The following KIR3DL1 variants were observed in gnomAD, a reference collection of about 807,000 sequenced individuals.
KIR3DL1 encodes the protein killer cell immunoglobulin like receptor, three Ig domains and long cytoplasmic tail 1.
KIR3DL1 carries 50 observed loss-of-function variants against 40.3 expected under a neutral mutation model. That is an observed-to-expected ratio of 1.24 (90% CI 0.99 to 1.57). The LOEUF (loss-of-function observed/expected upper bound fraction) is 1.57. Among genes scored for constraint, KIR3DL1 ranks in the 40% most tolerant of loss-of-function variants. The pLI, the probability that KIR3DL1 is intolerant of heterozygous loss-of-function variation, is 0.00. For synonymous variants in KIR3DL1, 257 were observed against 207.2 expected (o/e 1.24, Z -2.07); for missense variants, 661 against 559.9 (o/e 1.18, Z -1.82).
At chr19:54,820,382 ACCC>A (rs1181705790) in intron 4 of KIR3DL1, among the ~76,000 whole-genome samples, 1 of 151,484 alleles carries the variant, frequency 6.6e-6, no homozygotes, top group African/African-American at 2.4e-5. Flanking sequence ...TACCAGAAGA[ACCC>A]AAGGACACCC....
intron 1 of KIR3DL1, 125 bp from the exon 2 acceptor site, chr19:54,817,409 C>T: frequency 1.2e-6 from 1 of 808,258 alleles, no homozygotes; most frequent in South Asian, 1.4e-5. Flanking sequence ...GGCAGGTAGG[C>T]AGCGAGGGTG....
intron 1 of KIR3DL1, 55 bp from the exon 2 acceptor site, chr19:54,817,479 C>A: frequency 7.3e-7 from 1 of 1,374,720 alleles, no homozygotes; most frequent in Non-Finnish European, 1.0e-6. Flanking sequence ...GTGGGGGCAG[C>A]AGGGTGCCCT....
chr19:54,821,054 A>C (rs1182651682), intron 4 of KIR3DL1, among the ~76,000 whole-genome samples: 2 of 150,458 alleles, frequency 1.3e-5, no homozygotes, highest in Non-Finnish European at 3.0e-5. Context: ...ATGATACATA[A>C]ATAGAGACAG....
At chr19:54,829,340 T>C in intron 6 of KIR3DL1, 21 bp from the exon 7 acceptor site, 1 of 1,437,290 alleles carries the variant, frequency 7.0e-7, no homozygotes, top group Non-Finnish European at 9.6e-7. Context: ...AGCTTCTTAC[T>C]GGTGTCTCCT....
intron 6 of KIR3DL1, 47 bp downstream of exon 6, chr19:54,825,125 G>A (rs1309353111): frequency 4.7e-6 from 6 of 1,274,070 alleles, no homozygotes; most frequent in Admixed American, 1.7e-5. Flanking sequence ...ACCTGGGGAG[G>A]TGGAAGCCTT....
intron 5 of KIR3DL1, 145 bp downstream of exon 5, chr19:54,822,003 G>C (rs2148120601): frequency 9.9e-7 from 1 of 1,011,292 alleles, no homozygotes; most frequent in Non-Finnish European, 1.5e-6. Flanking sequence ...CAGGATGGCA[G>C]ACAGGGCACC....
chr19:54,819,639 C>A (rs1415067660), intron 3 of KIR3DL1, 74 bp from the exon 4 acceptor site: 9 of 1,512,562 alleles, frequency 6.0e-6, no homozygotes, highest in Non-Finnish European at 8.1e-6. Context: ...GGAGGGGAAC[C>A]CTCACTCATT....
At chr19:54,816,819 T>A (rs2061363479) in intron 1 of KIR3DL1, among the ~76,000 whole-genome samples, 1 of 82,454 alleles carries the variant, frequency 1.2e-5, no homozygotes, top group Non-Finnish European at 2.2e-5. Context: ...GATATGGGCC[T>A]GGAGGGGAGA....
chr19:54,816,816 G>GGA, intron 1 of KIR3DL1, among the ~76,000 whole-genome samples: 1 of 113,604 alleles, frequency 8.8e-6, no homozygotes, highest in African/African-American at 4.1e-5. Context: ...GGAGATATGG[G>GGA]CCTGGAGGGG....
chr19:54,822,233 C>T (rs1169671582), intron 5 of KIR3DL1, among the ~76,000 whole-genome samples: 1 of 151,292 alleles, frequency 6.6e-6, no homozygotes, highest in African/African-American at 2.4e-5. Flanking sequence ...AACCCCTACA[C>T]CCTTTTCTTT....
chr19:54,822,734 T>C (rs1488058337), intron 5 of KIR3DL1, among the ~76,000 whole-genome samples: 2 of 140,618 alleles, frequency 1.4e-5, no homozygotes, highest in African/African-American at 2.6e-5. Flanking sequence ...GATCCACCTT[T>C]TATCTCCTGC....
exon 5 of KIR3DL1, chr19:54,821,780 T>G: frequency 6.2e-7 from 1 of 1,607,402 alleles, no homozygotes; most frequent in Non-Finnish European, 8.5e-7. Context: ...CGGAGGGACC[T>G]ACAGATGCTT....
chr19:54,824,263 G>A (rs1743332), intron 5 of KIR3DL1, among the ~76,000 whole-genome samples: 1 of 150,552 alleles, frequency 6.6e-6, no homozygotes, highest in Non-Finnish European at 1.5e-5. Context: ...TGATTTTTGT[G>A]TATGGTGACA....
exon 5 of KIR3DL1, chr19:54,821,718 G>C (rs193921077): frequency 2.0e-5 from 32 of 1,608,262 alleles, no homozygotes; most frequent in African/African-American, 1.3e-4. Flanking sequence ...CCTGCAGTGC[G>C]CAAGGTCAAC....
At chr19:54,820,605 T>C (rs1483302471) in intron 4 of KIR3DL1, among the ~76,000 whole-genome samples, 1 of 151,080 alleles carries the variant, frequency 6.6e-6, no homozygotes, top group Admixed American at 6.6e-5. Context: ...CCACATATGA[T>C]AGGATCGCTG....
chr19:54,827,759 T>C (rs1173021835), intron 6 of KIR3DL1, among the ~76,000 whole-genome samples: 1 of 150,878 alleles, frequency 6.6e-6, no homozygotes, highest in Non-Finnish European at 1.5e-5. Flanking sequence ...GCCTAAAACC[T>C]CTTCCGTATT....
intron 1 of KIR3DL1, among the ~76,000 whole-genome samples, 200 bp from the exon 2 acceptor site, chr19:54,817,334 G>A (rs1282755263): frequency 7.1e-6 from 1 of 139,944 alleles, no homozygotes; most frequent in Non-Finnish European, 1.5e-5. Context: ...GTAGATCTAG[G>A]CCTGGAGGTA....
chr19:54,827,813 C>G (rs995179560), intron 6 of KIR3DL1, among the ~76,000 whole-genome samples: 2 of 150,368 alleles, frequency 1.3e-5, no homozygotes, highest in Non-Finnish European at 1.5e-5. Context: ...TGTGAAAGCC[C>G]GCTGAATCCT....
At chr19:54,827,096 T>G (rs1043787014) in intron 6 of KIR3DL1, among the ~76,000 whole-genome samples, 1 of 151,444 alleles carries the variant, frequency 6.6e-6, no homozygotes, top group Non-Finnish European at 1.5e-5. Flanking sequence ...AGACCCTAAG[T>G]GGATGAAGCA....
Sources: allele counts gnomAD v4.1 joint callset (sites outside exome capture counted in the v4.1 genomes callset), GRCh38; gene constraint gnomAD v4.1.1; transcripts MANE v1.5; gene names NCBI Gene and HGNC (gene_info 2026-07-23, HGNC 2026-07-21).